SEPTIN2: variants seen among roughly 807,000 people sequenced by gnomAD.
The protein encoded by SEPTIN2 is septin-2.
Under a neutral mutation model 46.5 loss-of-function variants are expected in SEPTIN2, and 34 were observed. The ratio of observed to expected loss-of-function variants is 0.73; its 90% CI spans 0.56 to 0.97. The LOEUF is 0.97. Ranked by LOEUF, SEPTIN2 falls within the 50% of genes least tolerant of loss-of-function variation. The probability of loss-of-function intolerance (pLI) is 0.00; values close to 1 mark genes in which losing one functional copy is unlikely to be tolerated. For missense variants in SEPTIN2, 347 were observed against 448.4 expected, an observed-to-expected ratio of 0.77 and a Z score of 2.04; for synonymous variants, 175 against 153.4, an observed-to-expected ratio of 1.14 and a Z score of -1.04.
In SEPTIN2 at chr2:241,346,178, G is replaced by A; in HGVS notation, c.855G>A (p.Gln285=). 5 of 1,613,714 alleles carry A rather than the reference G, an allele frequency of 3.1e-6. No homozygotes were observed. Among genetic ancestry groups the A allele is most frequent in the Non-Finnish European group, 4.2e-6 (5 of 1,179,806 alleles). ...TCTTCTCTTTCAGCACCCACATGCAGGATCTCCAGGAGGTGACCCAGGACC... is the reference window on the plus strand; with the variant it reads ...TCTTCTCTTTCAGCACCCACATGCAAGATCTCCAGGAGGTGACCCAGGACC... ...KLRTMLITHM[Q]DLQEVTQDLH... is the part of the protein sequence containing the mutation. Residue 285 remains glutamine (Q), a synonymous_variant, in exon 10 of 13, where the codon CAG becomes CAA. Coordinates refer to ENST00000391971, the MANE Select transcript of SEPTIN2 (RefSeq NM_004404.5).
At chr2:241,335,540 A>T in intron 4 of SEPTIN2, 1 of 639,340 alleles carries the variant, frequency 1.6e-6, no homozygotes, top group Non-Finnish European at 2.7e-6. Flanking sequence ...GAAGATTACT[A>T]GGATAGATGT....
At chr2:241,327,009 C>T (rs2078078101) in intron 3 of SEPTIN2, among the ~76,000 whole-genome samples, 1 of 142,244 alleles carries the variant, frequency 7.0e-6, no homozygotes, top group Admixed American at 7.3e-5. Flanking sequence ...GATCATGCCA[C>T]TGCACTCAAG....
Position 241,346,239 on chromosome 2 carries a change from A to C in SEPTIN2, c.916A>C (p.Arg306=), listed in dbSNP as rs764116287. The C allele has an allele frequency of 4.3e-6, 7 of 1,613,646 alleles. No individual in the cohort carries two copies. The Admixed American group carries it at 1.2e-4, about 27-fold the overall frequency. Residue 306 remains arginine (R), a synonymous_variant, in exon 10 of 13, where the codon AGA becomes CGA. Transcript: ENST00000391971. ...AAACTTCCGTTCTGAGAGACTCAAG[A>C]GAGGCGGCAGGTCATCACACTGTGC... The part of the protein sequence containing the change: ...YENFRSERLK[R]GGRKVENEDM...
chr2:241,340,100 G>T (rs1003211101), intron 7 of SEPTIN2, among the ~76,000 whole-genome samples: 2 of 152,188 alleles, frequency 1.3e-5, no homozygotes, highest in Non-Finnish European at 2.9e-5. Flanking sequence ...TTGCTCTAAA[G>T]TAAGTTTGTA....
At chr2:241,334,255 G>C (rs1053717437) in intron 3 of SEPTIN2, among the ~76,000 whole-genome samples, 1 of 152,092 alleles carries the variant, frequency 6.6e-6, no homozygotes, top group Non-Finnish European at 1.5e-5. Context: ...GGTACCCAGA[G>C]GACAGTCCAG....
chr2:241,334,123 C>A (rs906684007), intron 3 of SEPTIN2, among the ~76,000 whole-genome samples: 2 of 152,146 alleles, frequency 1.3e-5, no homozygotes, highest in Non-Finnish European at 2.9e-5. Context: ...ATCCTCCAGC[C>A]TTGGTCTGCT....
At chr2:241,321,822 CT>C (rs202030045) in intron 1 of SEPTIN2, among the ~76,000 whole-genome samples, 4 of 151,112 alleles carry the variant, frequency 2.6e-5, no homozygotes, top group Middle Eastern at 6.8e-3. Context: ...TAATGATTAC[CT>C]TTTTTTTTAC....
chr2:241,321,583 T>C (rs1046429430), intron 1 of SEPTIN2, among the ~76,000 whole-genome samples: 11 of 152,114 alleles, frequency 7.2e-5, no homozygotes, highest in East Asian at 5.8e-4. Context: ...GTTTTTTTTT[T>C]CCCTTGGTTT....
In SEPTIN2 at chr2:241,337,779, C is replaced by A; in HGVS notation, c.583C>A (p.Leu195Met). The change falls in exon 7 of 13, where the codon CTG (leucine) becomes ATG (methionine). Residue 195 changes from leucine (L) to methionine (M), a missense_variant. Leu to Met is a conservative substitution (Grantham distance 15). Coordinates refer to ENST00000391971, the MANE Select transcript of SEPTIN2 (RefSeq NM_004404.5). ...TCTCACCCTGAAGGAACGGGAGCGG[C>A]TGAAGAAAAGGGTGAGTGAGGCTGG... ...DTLTLKERERLKKRILDEIEE... is the reference protein window; with the variant it reads ...DTLTLKERERMKKRILDEIEE... The A allele has an allele frequency of 1.2e-6, 2 of 1,613,606 alleles. No individual in the cohort carries two copies. The highest frequency in any genetic ancestry group is 2.2e-5 in the South Asian group (2 of 91,044).
At chr2:241,337,326 CAG>C (rs2080196769) in intron 5 of SEPTIN2, 54 bp from the exon 6 acceptor site, 1 of 1,493,976 alleles carries the variant, frequency 6.7e-7, no homozygotes, top group Non-Finnish European at 9.0e-7. Flanking sequence ...CCTTTGAAGT[CAG>C]GGACCCCCTG....
At chr2:241,341,042 G>A (rs2081193985) in intron 7 of SEPTIN2, among the ~76,000 whole-genome samples, 1 of 152,166 alleles carries the variant, frequency 6.6e-6, no homozygotes, top group Non-Finnish European at 1.5e-5. Context: ...TGTGTGATTG[G>A]CAATTCTACT....
chr2:241,348,612 T>C (rs1000329569), intron 11 of SEPTIN2, among the ~76,000 whole-genome samples: 2 of 152,158 alleles, frequency 1.3e-5, no homozygotes, highest in Non-Finnish European at 2.9e-5. Flanking sequence ...TTTATAGTTT[T>C]TTTTTTAATT....
intron 1 of SEPTIN2, among the ~76,000 whole-genome samples, chr2:241,321,810 T>A (rs1388141355): frequency 1.3e-5 from 2 of 152,220 alleles, no homozygotes; most frequent in Non-Finnish European, 1.5e-5. Context: ...TGTTATTTTC[T>A]TTAATGATTA....
intron 3 of SEPTIN2, among the ~76,000 whole-genome samples, chr2:241,330,098 A>G (rs972714610): frequency 2.0e-4 from 31 of 152,210 alleles, no homozygotes; most frequent in Admixed American, 1.3e-4. Flanking sequence ...TCTACTTTTT[A>G]CATATACACG....
At chr2:241,325,795 A>C (rs986344182) in intron 2 of SEPTIN2, among the ~76,000 whole-genome samples, 198 bp from the exon 3 acceptor site, 1 of 152,188 alleles carries the variant, frequency 6.6e-6, no homozygotes, top group Non-Finnish European at 1.5e-5. Flanking sequence ...GTTATACTAG[A>C]TAAGTTTTTC....
At chr2:241,331,818 A>C (rs1159522692) in intron 3 of SEPTIN2, among the ~76,000 whole-genome samples, 2 of 152,244 alleles carry the variant, frequency 1.3e-5, no homozygotes, top group Non-Finnish European at 2.9e-5. Flanking sequence ...CCCTGATTTC[A>C]AGACTTAACA....
At chr2:241,338,330 A>T (rs1432908210) in intron 7 of SEPTIN2, among the ~76,000 whole-genome samples, 1 of 152,014 alleles carries the variant, frequency 6.6e-6, no homozygotes, top group Non-Finnish European at 1.5e-5. Context: ...TAAATTGCTT[A>T]CTTTGTTCTG....
rs779394569 is a variant in SEPTIN2 at position 241,350,178 on chromosome 2, G to C, written c.*4G>C. 9.3e-6 allele frequency: 15 copies of C among 1,605,928 alleles called. No individual in the cohort carries two copies. In the South Asian group the frequency reaches 1.2e-4, roughly 13 times the overall value. On this transcript the variant is annotated 3_prime_UTR_variant, in exon 12 of 13. Transcript: ENST00000391971. ...GGCTCTCGGGCACCACGTGTAAGGTGATGTGCACATATCAAGAAGTCAGAG... is the reference window on the plus strand; with the variant it reads ...GGCTCTCGGGCACCACGTGTAAGGTCATGTGCACATATCAAGAAGTCAGAG...
chr2:241,345,621 T>A (rs1336882612), intron 9 of SEPTIN2, among the ~76,000 whole-genome samples: 2 of 152,228 alleles, frequency 1.3e-5, no homozygotes, highest in Admixed American at 6.5e-5. Context: ...TTAAGAGTGC[T>A]TCATAAGATG....
Sources: allele counts gnomAD v4.1 joint callset (sites outside exome capture counted in the v4.1 genomes callset), GRCh38; gene constraint gnomAD v4.1.1; transcripts MANE v1.5; gene names NCBI Gene and HGNC (gene_info 2026-07-23, HGNC 2026-07-21).